The following SYNE2 variants were observed in gnomAD, a reference collection of about 807,000 sequenced individuals.
The protein encoded by SYNE2 is spectrin repeat containing nuclear envelope protein 2, also known as nesprin-2.
A neutral mutation model predicts 856.3 loss-of-function variants in SYNE2; 431 were observed. The observed-to-expected ratio is 0.50, with a 90% CI of 0.47 to 0.55. SYNE2 has a LOEUF of 0.55. Among genes scored for constraint, SYNE2 ranks in the 20% least tolerant of loss-of-function variants. SYNE2 has a pLI of 0.00. For synonymous variants in SYNE2, 2,923 were observed against 2,872.3 expected, an observed-to-expected ratio of 1.02 and a Z score of -0.56; for missense variants, 8,129 against 8,023.2, an observed-to-expected ratio of 1.01 and a Z score of -0.50.
chr14:64,165,565 T>C (rs531008897), intron 90 of SYNE2, among the ~76,000 whole-genome samples, 155 bp downstream of exon 90: 83 of 150,712 alleles, frequency 5.5e-4, no homozygotes, highest in African/African-American at 2.0e-3. Flanking sequence ...CAGGCTGGAG[T>C]GCAGTGGCAC....
intron 45 of SYNE2, among the ~76,000 whole-genome samples, chr14:64,033,607 G>A: frequency 6.6e-6 from 1 of 152,072 alleles, no homozygotes. Flanking sequence ...AATTGCTTGA[G>A]CCCAGGAGGT....
chr14:64,043,655 T>C (rs1305132020), intron 45 of SYNE2, among the ~76,000 whole-genome samples: 6 of 152,226 alleles, frequency 3.9e-5, no homozygotes, highest in African/African-American at 1.4e-4. Flanking sequence ...CCCCAAGCCT[T>C]GGCAGCTTCC....
Position 64,170,383 on chromosome 14 carries a change from C to A in SYNE2, c.17156C>A (p.Thr5719Asn). Reference protein sequence around the residue: ...VENLFRFLTDTSHLLSAVKGQ... With the variant: ...VENLFRFLTDNSHLLSAVKGQ... The stretch of plus-strand genomic sequence containing the variant: ...AACTTGTTTCGCTTCCTCACTGACA[C>A]CAGCCACCTGCTATCTGCAGTGAAG... The change falls in exon 94 of 116, where the codon ACC (threonine) becomes AAC (asparagine). Residue 5719 changes from threonine (T) to asparagine (N), a missense_variant. Thr to Asn is a moderately conservative substitution (Grantham distance 65). Transcript: ENST00000555002. The A allele has an allele frequency of 6.2e-7, 1 of 1,614,186 alleles. No homozygotes were observed. The highest frequency in any genetic ancestry group is 8.5e-7 in the Non-Finnish European group (1 of 1,180,030).
intron 1 of SYNE2, among the ~76,000 whole-genome samples, chr14:63,819,824 C>T (rs35889711): frequency 0.57 from 86,909 of 151,984 alleles, 25,360 homozygotes; most frequent in South Asian, 0.69. Flanking sequence ...GCGTGAGCAC[C>T]GCATCCTGCC....
intron 2 of SYNE2, among the ~76,000 whole-genome samples, chr14:63,927,684 G>A (rs1257718126): frequency 2.0e-5 from 3 of 152,078 alleles, no homozygotes; most frequent in Non-Finnish European, 2.9e-5. Context: ...ACGAGGTCAG[G>A]AGATTGAGAC....
At chr14:63,828,699 C>G (rs1889555423) in intron 1 of SYNE2, among the ~76,000 whole-genome samples, 1 of 151,854 alleles carries the variant, frequency 6.6e-6, no homozygotes, top group African/African-American at 2.4e-5. Flanking sequence ...ACACTGCACT[C>G]CAGCCTCGGC....
At chr14:64,030,153 A>G in intron 44 of SYNE2, 94 bp downstream of exon 44, 1 of 1,268,110 alleles carries the variant, frequency 7.9e-7, no homozygotes. Context: ...CAGAAATTCC[A>G]GTGGTATTCA....
At chr14:63,884,867 C>T (rs1261339512) in intron 1 of SYNE2, among the ~76,000 whole-genome samples, 5 of 152,018 alleles carry the variant, frequency 3.3e-5, no homozygotes, top group African/African-American at 1.2e-4. Flanking sequence ...GTCTCGATCT[C>T]CTGACCTTGT....
intron 1 of SYNE2, among the ~76,000 whole-genome samples, chr14:63,832,821 G>T (rs546641855): frequency 7.1e-6 from 1 of 141,180 alleles, no homozygotes; most frequent in East Asian, 2.1e-4. Flanking sequence ...TTGAACCCAG[G>T]AGTTCAAGAC....
At chr14:64,212,766 C>T in intron 104 of SYNE2, 45 bp from the exon 105 acceptor site, 1 of 1,586,102 alleles carries the variant, frequency 6.3e-7, no homozygotes, top group Non-Finnish European at 8.7e-7. Context: ...AGTGGAAGCT[C>T]AGGGTAACTT....
At chr14:63,817,849 C>A (rs1242569455) in intron 1 of SYNE2, among the ~76,000 whole-genome samples, 2 of 151,438 alleles carry the variant, frequency 1.3e-5, no homozygotes, top group Non-Finnish European at 1.5e-5. Flanking sequence ...CACAGGGAGA[C>A]CCTGTCTCTA....
At chr14:63,913,351 G>A (rs1046352280) in intron 2 of SYNE2, among the ~76,000 whole-genome samples, 15 of 151,864 alleles carry the variant, frequency 9.9e-5, no homozygotes, top group Non-Finnish European at 1.9e-4. Flanking sequence ...ATTTGAGTGG[G>A]TTTCTATAAA....
chr14:63,987,219 G>A (rs1056297920), intron 19 of SYNE2, among the ~76,000 whole-genome samples: 3 of 151,346 alleles, frequency 2.0e-5, no homozygotes, highest in African/African-American at 7.3e-5. Context: ...TTGCACCACC[G>A]CACTCCAGCC....
intron 1 of SYNE2, among the ~76,000 whole-genome samples, chr14:63,893,642 A>G (rs1347979173): frequency 1.3e-5 from 2 of 152,210 alleles, no homozygotes; most frequent in African/African-American, 2.4e-5. Context: ...TCAAACATCT[A>G]TTATGTAGCA....
At chr14:63,972,572 T>G (rs770112833) in intron 11 of SYNE2, among the ~76,000 whole-genome samples, 1 of 152,250 alleles carries the variant, frequency 6.6e-6, no homozygotes, top group Non-Finnish European at 1.5e-5. Context: ...GGTTTCATAC[T>G]GAGCCTACTG....
intron 87 of SYNE2, among the ~76,000 whole-genome samples, chr14:64,160,564 A>G (rs772856863): frequency 1.1e-4 from 16 of 152,354 alleles, no homozygotes; most frequent in Admixed American, 5.2e-4. Flanking sequence ...ATTTTAAAAG[A>G]CAGTTCTGAT....
rs777821278 is a variant in SYNE2, at chr14:64,225,372, C to G, written c.20570C>G (p.Ala6857Gly). 18 of 1,614,180 alleles carry G rather than the reference C, an allele frequency of 1.1e-5. 1 individual carries two copies. In the South Asian group the frequency reaches 2.0e-4, roughly 18 times the overall value. ...TCCTTCCTCTCAAGGGTGGTCCGGG[C>G]AGCCCTACCCCTGCAGCTGCTCCTC... ...QRSFLSRVVR[A>G]ALPLQLLLLL... Residue 6857 changes from alanine (A) to glycine (G), a missense_variant, in exon 116 of 116, where the codon GCA (alanine) becomes GGA (glycine). Physicochemically the swap from Ala to Gly is moderately conservative, Grantham distance 60. Transcript: ENST00000555002.
At chr14:63,856,639 C>T (rs1891812213) in intron 1 of SYNE2, among the ~76,000 whole-genome samples, 1 of 152,196 alleles carries the variant, frequency 6.6e-6, no homozygotes, top group African/African-American at 2.4e-5. Context: ...TCTGAGTCTT[C>T]ACTGTATGTT....
intron 67 of SYNE2, 39 bp downstream of exon 67, chr14:64,119,648 CATA>C (rs756441650): frequency 6.2e-7 from 1 of 1,603,916 alleles, no homozygotes; most frequent in East Asian, 2.2e-5. Context: ...TCTTGATACA[CATA>C]TGTGGCAGAC....
Sources: gnomAD v4.1 joint callset for allele counts (sites outside exome capture counted in the v4.1 genomes callset) on GRCh38, gnomAD v4.1.1 for gene constraint, MANE v1.5 for transcripts, NCBI Gene and HGNC (gene_info 2026-07-23, HGNC 2026-07-21) for gene names.